The following ZPLD1 variants were observed in gnomAD, a reference collection of about 807,000 sequenced individuals.
The protein encoded by ZPLD1 is zona pellucida-like domain-containing protein 1.
Under a neutral mutation model 47.2 loss-of-function variants are expected in ZPLD1, and 34 were observed. That is an observed-to-expected ratio of 0.72 (90% CI 0.55 to 0.96). The LOEUF (loss-of-function observed/expected upper bound fraction) is 0.96, where lower values mean the gene tolerates loss of function less well. Among genes scored for constraint, ZPLD1 ranks in the 40% least tolerant of loss-of-function variants. The probability of loss-of-function intolerance (pLI) is 0.00; values close to 1 mark genes in which losing one functional copy is unlikely to be tolerated. For synonymous variants in ZPLD1, 176 were observed against 186.2 expected (o/e 0.95, Z 0.45); for missense variants, 512 against 505.8 (o/e 1.01, Z -0.12).
At chr3:102,472,531 CA>C (rs374641646) in intron 10 of ZPLD1, among the ~76,000 whole-genome samples, 20,750 of 85,334 alleles carry the variant, frequency 0.24, 1,401 homozygotes, top group Middle Eastern at 0.34. Context: ...GACTCTGTCT[CA>C]AAAAAAAAAA....
chr3:102,436,866 C>A lies in ZPLD1; in HGVS notation c.-116C>A. The A allele has an allele frequency of 1.0e-6, 1 of 984,954 alleles. No individual in the cohort carries two copies. The highest frequency in any genetic ancestry group is 1.2e-6 in the Non-Finnish European group (1 of 829,486). The allele number at this position is 984,954 out of a possible 1,614,324, so 61.0% of individuals were successfully genotyped here. A position where few individuals can be genotyped will look rare whatever the true frequency, so the allele number is the denominator to read the frequency against. On this transcript the variant is annotated 5_prime_UTR_variant, in exon 2 of 12. Coordinates refer to ENST00000466937, the MANE Select transcript of ZPLD1 (RefSeq NM_001329788.2). Reference sequence around the variant, plus strand: ...TGATTCTGTAATTTCTTAGGATACACCTCTGTGTTGGGGACAACAGTGTGG... The same window carrying A: ...TGATTCTGTAATTTCTTAGGATACAACTCTGTGTTGGGGACAACAGTGTGG...
chr3:102,443,825 G>C (rs1219502035), intron 3 of ZPLD1, among the ~76,000 whole-genome samples: 1 of 152,178 alleles, frequency 6.6e-6, no homozygotes, highest in East Asian at 1.9e-4. Context: ...TTATCCCAGG[G>C]AATATGTTCT....
rs116044760 is a variant in ZPLD1, at chr3:102,445,746, C to A, written c.106+7153C>A. Among the ~76,000 whole-genome samples the A allele has an allele frequency of 6.1e-3, 934 of 152,294 alleles. 9 individuals carry two copies. Among genetic ancestry groups the A allele is most frequent in the African/African-American group, 0.021 (881 of 41,562 alleles). On this transcript the variant is annotated intron_variant, in intron 3 of 11. Transcript: ENST00000466937. ...CAAAACCACACAGTATTTACACTAG[C>A]CCCAGCTGGCCATCATGCACTTGCT...
intron 6 of ZPLD1, among the ~76,000 whole-genome samples, chr3:102,389,255 G>A (rs555970467): frequency 1.4e-4 from 21 of 152,108 alleles, no homozygotes; most frequent in African/African-American, 5.1e-4. Flanking sequence ...CAATTAATTT[G>A]GTGAAATTTT....
intron 6 of ZPLD1, among the ~76,000 whole-genome samples, chr3:102,388,810 G>T (rs1235166525): frequency 6.6e-6 from 1 of 152,114 alleles, no homozygotes; most frequent in Non-Finnish European, 1.5e-5. Flanking sequence ...TATTTCTGGG[G>T]GGGTGAGGAA....
chr3:102,415,583 C>T (rs1450443284), intron 7 of ZPLD1, among the ~76,000 whole-genome samples: 1 of 151,684 alleles, frequency 6.6e-6, no homozygotes, highest in Non-Finnish European at 1.5e-5. Context: ...AATGTTTTAG[C>T]GTGAAGCTAA....
At position 102,438,589 on chromosome 3, in the gene ZPLD1, TC is replaced by T. The variant is rs1191564706; in HGVS notation, c.104del (p.Pro35LeufsTer17). On this transcript the variant is annotated frameshift_variant, in exon 3 of 12. Coordinates refer to ENST00000466937, the MANE Select transcript of ZPLD1 (RefSeq NM_001329788.2). LOFTEE classifies it high-confidence loss of function. ...GTGATGCCAACCTCCACAGTAGATT[TC>T]CTGGTAAGTGTAAGCCTAATCTATT... ...NCDANLHSRF[P>X]AERDISVYCG... 1.9e-6 allele frequency: 3 copies of T among 1,610,184 alleles called. No individual in the cohort carries two copies. The highest frequency in any genetic ancestry group is 1.7e-6 in the Non-Finnish European group (2 of 1,176,550).
intron 4 of ZPLD1, 152 bp downstream of exon 4, chr3:102,453,291 C>G: frequency 1.4e-6 from 1 of 705,296 alleles, no homozygotes; most frequent in Non-Finnish European, 2.3e-6. Context: ...CATGCACTAG[C>G]AAATATACAA....
chr3:102,469,256 T>C, intron 9 of ZPLD1, 121 bp downstream of exon 9: 3 of 1,054,458 alleles, frequency 2.8e-6, no homozygotes, highest in Non-Finnish European at 4.0e-6. Context: ...TAGTTTGAAG[T>C]AGGATTTATT....
At chr3:102,425,134 C>A (rs1706927456) in intron 8 of ZPLD1, among the ~76,000 whole-genome samples, 1 of 152,008 alleles carries the variant, frequency 6.6e-6, no homozygotes, top group Admixed American at 6.6e-5. Flanking sequence ...TGCTCTTCTT[C>A]AAGCCTCATT....
At chr3:102,417,563 T>C (rs1200417668) in intron 7 of ZPLD1, among the ~76,000 whole-genome samples, 1 of 151,928 alleles carries the variant, frequency 6.6e-6, no homozygotes, top group African/African-American at 2.4e-5. Flanking sequence ...CTCTTGACAA[T>C]TGGGTCCTGT....
intron 7 of ZPLD1, among the ~76,000 whole-genome samples, chr3:102,416,698 T>C (rs1224908840): frequency 6.6e-6 from 1 of 152,008 alleles, no homozygotes; most frequent in Non-Finnish European, 1.5e-5. Flanking sequence ...ATTAATGATT[T>C]ATGTTTTTAA....
At chr3:102,386,794 G>T (rs1302257737) in intron 6 of ZPLD1, among the ~76,000 whole-genome samples, 2 of 151,940 alleles carry the variant, frequency 1.3e-5, no homozygotes, top group Admixed American at 6.6e-5. Flanking sequence ...AGTTATTAAA[G>T]AAATATATAT....
chr3:102,419,154 G>A (rs1218391730), intron 8 of ZPLD1, among the ~76,000 whole-genome samples: 3 of 151,894 alleles, frequency 2.0e-5, no homozygotes, highest in African/African-American at 4.8e-5. Context: ...AAATTAGGTA[G>A]CAACAACAAA....
chr3:102,457,655 A>G (rs776004447), intron 5 of ZPLD1, 126 bp from the exon 6 acceptor site: 18 of 789,314 alleles, frequency 2.3e-5, no homozygotes, highest in Non-Finnish European at 3.4e-5. Context: ...ACAGTATAGC[A>G]ACTCCAGGTA....
At chr3:102,470,101 G>T (rs1011000760) in intron 9 of ZPLD1, among the ~76,000 whole-genome samples, 4 of 152,070 alleles carry the variant, frequency 2.6e-5, no homozygotes, top group Admixed American at 2.6e-4. Flanking sequence ...AGGCTTGAGA[G>T]AAATAAAAGT....
At chr3:102,403,059 T>C (rs1309223241) in intron 7 of ZPLD1, among the ~76,000 whole-genome samples, 1 of 151,974 alleles carries the variant, frequency 6.6e-6, no homozygotes, top group Non-Finnish European at 1.5e-5. Context: ...TACTTTATTA[T>C]TATTATTTAC....
intron 7 of ZPLD1, among the ~76,000 whole-genome samples, chr3:102,463,505 G>A (rs2107347965): frequency 6.6e-6 from 1 of 152,214 alleles, no homozygotes; most frequent in Non-Finnish European, 1.5e-5. Flanking sequence ...CATTAGACTT[G>A]ACTCCCCTTA....
intron 7 of ZPLD1, among the ~76,000 whole-genome samples, chr3:102,397,051 T>TA (rs1706566192): frequency 6.6e-6 from 1 of 152,070 alleles, no homozygotes; most frequent in Admixed American, 6.6e-5. Flanking sequence ...TTCTACTTAA[T>TA]AAAAAGGAGG....
Sources: allele counts gnomAD v4.1 joint callset (sites outside exome capture counted in the v4.1 genomes callset), GRCh38; gene constraint gnomAD v4.1.1; transcripts MANE v1.5; gene names NCBI Gene and HGNC (gene_info 2026-07-23, HGNC 2026-07-21).